CEACAM6: variants seen among roughly 807,000 people sequenced by gnomAD.
CEACAM6 encodes CEA cell adhesion molecule 6, also known as cell adhesion molecule CEACAM6.
In CEACAM6, 21 loss-of-function variants were observed where a neutral mutation model predicts 32.4. The observed-to-expected ratio is 0.65, with a 90% confidence interval of 0.46 to 0.93. The LOEUF is 0.93. Ranked by LOEUF, CEACAM6 falls within the 40% of genes least tolerant of loss-of-function variation. The pLI is 0.00. For missense variants in CEACAM6, 406 were observed against 432.2 expected, an observed-to-expected ratio of 0.94 and a Z score of 0.54; for synonymous variants, 184 against 174.4, an observed-to-expected ratio of 1.06 and a Z score of -0.43.
At chr19:41,757,032 G>A in intron 2 of CEACAM6, 73 bp downstream of exon 2, 1 of 1,543,274 alleles carries the variant, frequency 6.5e-7, no homozygotes, top group Non-Finnish European at 8.7e-7. Flanking sequence ...GTCAGGCCTG[G>A]GTTGTGCCTG....
Position 41,755,551 on chromosome 19 carries a change from G to A in CEACAM6, c.-88G>A. On this transcript the variant is annotated 5_prime_UTR_variant, in exon 1 of 6. Coordinates refer to ENST00000199764, the MANE Select transcript of CEACAM6 (RefSeq NM_002483.7). ...CAGCACAGAAGGAGGAAGGACAGCA[G>A]GGCCAACAGTCACAGCAGCCCTGAC... is the stretch of plus-strand genomic sequence containing the variant. 7.8e-7 allele frequency: 1 copy of A among 1,278,812 alleles called. No individual in the cohort carries two copies. Among genetic ancestry groups the A allele is most frequent in the Non-Finnish European group, 1.1e-6 (1 of 884,766 alleles). The allele number at this position is 1,278,812 out of a possible 1,614,324, so 79.2% of individuals were successfully genotyped here.
In CEACAM6 at chr19:41,766,233, G is replaced by T; in HGVS notation, c.1009G>T (p.Val337Leu). ...AVATVGITIG[V>L]LARVALI ...GGCCACCGTCGGCATCACGATTGGA[G>T]TGCTGGCCAGGGTGGCTCTGATATA... The change falls in exon 5 of 6, where the codon GTG becomes TTG. Residue 337 changes from valine (V) to leucine (L), a missense_variant. Val to Leu is a conservative substitution (Grantham distance 32, BLOSUM62 1). Coordinates refer to ENST00000199764, the MANE Select transcript of CEACAM6 (RefSeq NM_002483.7). The T allele has an allele frequency of 1.2e-6, 2 of 1,605,540 alleles. No homozygotes were observed. Among genetic ancestry groups the T allele is most frequent in the Non-Finnish European group, 8.5e-7 (1 of 1,176,586 alleles).
chr19:41,764,962 A>C (rs187036684), intron 4 of CEACAM6, among the ~76,000 whole-genome samples: 3 of 152,336 alleles, frequency 2.0e-5, no homozygotes, highest in African/African-American at 7.2e-5. Context: ...TGGGTGGAAA[A>C]AATGAAAATT....
intron 4 of CEACAM6, 86 bp downstream of exon 4, chr19:41,762,309 A>G: frequency 1.3e-6 from 2 of 1,518,578 alleles, no homozygotes. Flanking sequence ...TTTCTTTCCC[A>G]ACCTGTGTCC....
chr19:41,764,762 C>T (rs1049248942), intron 4 of CEACAM6, among the ~76,000 whole-genome samples: 1 of 151,972 alleles, frequency 6.6e-6, no homozygotes, highest in African/African-American at 2.4e-5. Flanking sequence ...CTTATTGTTT[C>T]CTTCATTCAC....
chr19:41,765,936 A>G (rs534520970), intron 4 of CEACAM6, among the ~76,000 whole-genome samples: 13 of 152,364 alleles, frequency 8.5e-5, no homozygotes, highest in Middle Eastern at 3.4e-3. Flanking sequence ...AAAAATAGCA[A>G]TCAGACTTTC....
intron 1 of CEACAM6, among the ~76,000 whole-genome samples, chr19:41,756,391 A>G (rs559092491): frequency 1.8e-4 from 28 of 151,462 alleles, no homozygotes; most frequent in African/African-American, 6.3e-4. Context: ...CACACAGGGA[A>G]ATGCCAAGGT....
chr19:41,755,824 G>A, intron 1 of CEACAM6, 122 bp downstream of exon 1: 1 of 687,366 alleles, frequency 1.5e-6, no homozygotes, highest in Non-Finnish European at 2.4e-6. Context: ...TGAGGAAACA[G>A]AACACCAGAG....
intron 2 of CEACAM6, among the ~76,000 whole-genome samples, chr19:41,758,974 C>T (rs1403219665): frequency 6.6e-6 from 1 of 152,238 alleles, no homozygotes; most frequent in Non-Finnish European, 1.5e-5. Context: ...ACATGTGGAA[C>T]AGGCCACGGG....
chr19:41,760,777 G>A (rs1195055045), intron 2 of CEACAM6, among the ~76,000 whole-genome samples: 3 of 152,168 alleles, frequency 2.0e-5, no homozygotes, highest in African/African-American at 7.2e-5. Flanking sequence ...TATCCTTGGG[G>A]TTTAAGGACA....
chr19:41,764,143 T>G (rs1054405981), intron 4 of CEACAM6, among the ~76,000 whole-genome samples: 3 of 152,242 alleles, frequency 2.0e-5, no homozygotes, highest in African/African-American at 2.4e-5. Context: ...GGCTAAATCT[T>G]ATTACTAATT....
intron 1 of CEACAM6, 53 bp downstream of exon 1, chr19:41,755,755 C>G: frequency 6.7e-7 from 1 of 1,486,564 alleles, no homozygotes; most frequent in Non-Finnish European, 9.2e-7. Flanking sequence ...CAGAGACTGG[C>G]TAGGGTCTCC....
chr19:41,767,146 A>G (rs1173382608), intron 5 of CEACAM6, among the ~76,000 whole-genome samples: 2 of 151,850 alleles, frequency 1.3e-5, no homozygotes, highest in East Asian at 1.9e-4. Flanking sequence ...TTAGAATCTG[A>G]CTCTCTACAC....
At chr19:41,770,673 ACTGG>A (rs2072988908) in intron 5 of CEACAM6, 125 bp from the exon 6 acceptor site, 1 of 152,214 alleles carries the variant, frequency 6.6e-6, no homozygotes, top group Non-Finnish European at 1.5e-5. Context: ...AATATGTCTT[ACTGG>A]GATTATCTTT....
In CEACAM6 at chr19:41,771,939, A is replaced by T. The variant is rs2072996855; in HGVS notation, c.*1178A>T. 6.6e-6 allele frequency: 1 copy of T among 152,128 alleles called. No individual in the cohort carries two copies. Among genetic ancestry groups the T allele is most frequent in the Non-Finnish European group, 1.5e-5 (1 of 68,022 alleles). The allele number at this position is 152,128 out of a possible 1,614,324, so 9.4% of individuals were successfully genotyped here. ...ATCCAATTAAAAAAAATTAAAACCAATTTAAAAAAAAAAAGAACACAGGAG... is the reference window on the plus strand; with the variant it reads ...ATCCAATTAAAAAAAATTAAAACCATTTTAAAAAAAAAAAGAACACAGGAG... On this transcript the variant is annotated 3_prime_UTR_variant, in exon 6 of 6. Transcript: ENST00000199764.
At chr19:41,761,123 A>ACCT in intron 2 of CEACAM6, 126 bp from the exon 3 acceptor site, 1 of 1,542,142 alleles carries the variant, frequency 6.5e-7, no homozygotes, top group Non-Finnish European at 8.7e-7. Flanking sequence ...TGACACACAC[A>ACCT]CCTGCCAGGG....
chr19:41,766,018 C>T (rs1262677572), intron 4 of CEACAM6, among the ~76,000 whole-genome samples, 165 bp from the exon 5 acceptor site: 1 of 152,212 alleles, frequency 6.6e-6, no homozygotes, highest in Non-Finnish European at 1.5e-5. Context: ...AGACTGATCA[C>T]CAACCTAGAA....
intron 5 of CEACAM6, among the ~76,000 whole-genome samples, chr19:41,767,297 A>T (rs1055065321): frequency 3.9e-5 from 6 of 152,134 alleles, no homozygotes; most frequent in Non-Finnish European, 7.4e-5. Context: ...TTTCATGGAG[A>T]ACACAGACTG....
At chr19:41,756,449 G>T in intron 1 of CEACAM6, 151 bp from the exon 2 acceptor site, 1 of 1,191,542 alleles carries the variant, frequency 8.4e-7, no homozygotes, top group Non-Finnish European at 1.1e-6. Flanking sequence ...CTTTGACTCA[G>T]TAGGACACAC....
Sources: allele counts gnomAD v4.1 joint callset (sites outside exome capture counted in the v4.1 genomes callset), GRCh38; gene constraint gnomAD v4.1.1; transcripts MANE v1.5; gene names NCBI Gene and HGNC (gene_info 2026-07-23, HGNC 2026-07-21).